NOTCH3: variants seen among roughly 807,000 people sequenced by gnomAD.
NOTCH3 encodes notch receptor 3, also known as neurogenic locus notch homolog protein 3.
NOTCH3 carries 86 observed loss-of-function variants against 213.3 expected under a neutral mutation model. That is an observed-to-expected ratio of 0.40 (90% confidence interval 0.34 to 0.48). The LOEUF (loss-of-function observed/expected upper bound fraction) is 0.48. Ranked by LOEUF, NOTCH3 falls within the 20% of genes least tolerant of loss-of-function variation. The pLI, the probability that NOTCH3 is intolerant of heterozygous loss-of-function variation, is 0.57. For missense variants in NOTCH3, 2,783 were observed against 3,272.6 expected (o/e 0.85, Z 3.65); for synonymous variants, 1,354 against 1,355.9 (o/e 1.00, Z 0.03).
rs2145427698 is a variant in NOTCH3 at position 15,184,350 on chromosome 19, G to A, written c.2511C>T (p.Cys837=). The A allele has an allele frequency of 1.2e-6, 2 of 1,613,920 alleles. No individual in the cohort carries two copies. Among genetic ancestry groups the A allele is most frequent in the Non-Finnish European group, 1.7e-6 (2 of 1,179,960 alleles). ...TNLAGSFSCT[C]HGGYTGPSCD... Reference sequence around the variant, plus strand: ...AGGAAGGGCCAGTGTACCCTCCATGGCAGGTGCAGCTGAAACTCCCTGCCA... The same window carrying A: ...AGGAAGGGCCAGTGTACCCTCCATGACAGGTGCAGCTGAAACTCCCTGCCA... The change falls in exon 16 of 33, where the codon TGC becomes TGT. Residue 837 remains cysteine, a synonymous_variant. Coordinates refer to ENST00000263388, the MANE Select transcript of NOTCH3 (RefSeq NM_000435.3).
At position 15,191,661 on chromosome 19, in the gene NOTCH3, T is replaced by G. The variant is rs1339607172; in HGVS notation, c.803-4A>C. On this transcript the variant is annotated splice_region_variant and splice_polypyrimidine_tract_variant and intron_variant, in intron 5 of 32. Transcript: ENST00000263388. ...ACGTCCTCCGTGCAGAACTGGCCTGTGGCACACAGATGCAGCAGTCCAGCC... is the reference window on the plus strand; with the variant it reads ...ACGTCCTCCGTGCAGAACTGGCCTGGGGCACACAGATGCAGCAGTCCAGCC... 8 of 1,613,456 alleles carry G rather than the reference T, an allele frequency of 5.0e-6. No homozygotes were observed. Among genetic ancestry groups the G allele is most frequent in the African/African-American group, 1.3e-5 (1 of 74,928 alleles).
intron 2 of NOTCH3, among the ~76,000 whole-genome samples, chr19:15,196,812 G>A (rs927695349): frequency 6.6e-6 from 1 of 152,156 alleles, no homozygotes; most frequent in Non-Finnish European, 1.5e-5. Context: ...AAGCTTGAAT[G>A]CTCAAGGTGT....
intron 2 of NOTCH3, among the ~76,000 whole-genome samples, chr19:15,194,014 G>A (rs567869450): frequency 7.2e-5 from 11 of 152,120 alleles, no homozygotes; most frequent in South Asian, 2.1e-4. Flanking sequence ...CCTGGGAGGC[G>A]GAGGTTGCAG....
Position 15,191,987 on chromosome 19 carries a change from G to T in NOTCH3, c.652C>A (p.Leu218Ile), listed in dbSNP as rs1317828994. Reference sequence around the variant, plus strand: ...GGAAGACAGGCACAGTCGTAAGTGAGGTCGCCACTCTGCCTGCAGGTGCCC... The same window carrying T: ...GGAAGACAGGCACAGTCGTAAGTGATGTCGCCACTCTGCCTGCAGGTGCCC... ...NGGTCRQSGD[L>I]TYDCACLPGF... The change falls in exon 4 of 33, where the codon CTC becomes ATC. Residue 218 changes from leucine (L) to isoleucine (I), a missense_variant. Coordinates refer to ENST00000263388, the MANE Select transcript of NOTCH3 (RefSeq NM_000435.3). 6.2e-7 allele frequency: 1 copy of T among 1,613,476 alleles called. No homozygotes were observed. The highest frequency in any genetic ancestry group is 1.1e-5 in the South Asian group (1 of 91,088).
rs2046811572 is a variant in NOTCH3 at position 15,178,556 on chromosome 19, T to A, written c.3837+267A>T. 7 of 523,052 alleles carry A rather than the reference T, an allele frequency of 1.3e-5. No individual in the cohort carries two copies. In the Admixed American group the frequency reaches 2.2e-4, roughly 17 times the overall value. 32.4% of individuals were successfully genotyped at this position (523,052 alleles called of 1,614,324 possible). A position where few individuals can be genotyped will look rare whatever the true frequency, so the allele number is the denominator to read the frequency against. On this transcript the variant is annotated intron_variant, in intron 23 of 32. Transcript: ENST00000263388. ...GCTGCCACTACGCCCGGCTAATTTTTATATTTTTAGTAGAGACGGGGTTTC... is the reference window on the plus strand; with the variant it reads ...GCTGCCACTACGCCCGGCTAATTTTAATATTTTTAGTAGAGACGGGGTTTC...
In NOTCH3 at chr19:15,185,668, T is replaced by C; in HGVS notation, c.1963A>G (p.Asn655Asp). Residue 655 changes from asparagine to aspartate, a missense_variant, in exon 13 of 33, where the codon AAC (asparagine) becomes GAC (aspartate). Asn to Asp is a conservative substitution (Grantham distance 23, BLOSUM62 1). This residue lies in a region of NOTCH3 where 861 missense variants were observed against 909.1 expected (regional missense o/e 0.95). Coordinates refer to ENST00000263388, the MANE Select transcript of NOTCH3 (RefSeq NM_000435.3). The surrounding 1 kb of genome is among the most constrained non-coding windows in gnomAD (Gnocchi z 4.2). ...GAAGCACACTCATTGATCTCCACGT[T>C]ACAAAGGGGCCCTGGGGAGTACACA... ...CQPGFTGPLC[N>D]VEINECASSP... 6.2e-7 allele frequency: 1 copy of C among 1,613,164 alleles called. No homozygotes were observed. The highest frequency in any genetic ancestry group is 1.1e-5 in the South Asian group (1 of 91,066).
At position 15,200,775 on chromosome 19, in the gene NOTCH3, C is replaced by T; in HGVS notation, c.118+13G>A. 1 of 1,292,076 alleles carries T rather than the reference C, an allele frequency of 7.7e-7. No homozygotes were observed. 80.0% of individuals were successfully genotyped at this position (1,292,076 alleles called of 1,614,324 possible). A position where few individuals can be genotyped will look rare whatever the true frequency, so the allele number is the denominator to read the frequency against. ...GCCGCCCTCGTCCCATCCGCCAGGT[C>T]CCGGCCCCTCACCTGCAGCCCCCGG... On this transcript the variant is annotated intron_variant, in intron 1 of 32. Transcript: ENST00000263388.
At chr19:15,174,774 A>G (rs1429876573) in intron 24 of NOTCH3, among the ~76,000 whole-genome samples, 2 of 151,820 alleles carry the variant, frequency 1.3e-5, no homozygotes, top group African/African-American at 4.8e-5. Context: ...GGGTTTTACT[A>G]TGTTGGCCAG....
intron 1 of NOTCH3, among the ~76,000 whole-genome samples, chr19:15,199,765 C>T (rs2046996771): frequency 6.6e-6 from 1 of 152,152 alleles, no homozygotes; most frequent in Non-Finnish European, 1.5e-5. Context: ...GTCCGGGCCC[C>T]GGGGCTGGGC....
At chr19:15,179,671 C>CAGG in intron 20 of NOTCH3, 175 bp from the exon 21 acceptor site, 1 of 691,612 alleles carries the variant, frequency 1.4e-6, no homozygotes, top group Non-Finnish European at 2.5e-6. Context: ...CACCTGAGAT[C>CAGG]AGGAGTTCGA....
At position 15,174,834 on chromosome 19, in the gene NOTCH3, A is replaced by G. The variant is rs531029218; in HGVS notation, c.4404-434T>C. ...GGTGATCCACCTGCCTCGGCCTCCCAAAGTGCTGGGATCACAGGCATAAGT... is the reference window on the plus strand; with the variant it reads ...GGTGATCCACCTGCCTCGGCCTCCCGAAGTGCTGGGATCACAGGCATAAGT... On this transcript the variant is annotated intron_variant, in intron 24 of 32. Transcript: ENST00000263388. 5.9e-5 allele frequency among the ~76,000 whole-genome samples: 9 copies of G among 152,196 alleles called. No individual in the cohort carries two copies. The East Asian group carries it at 1.6e-3, about 26-fold the overall frequency.
intron 28 of NOTCH3, among the ~76,000 whole-genome samples, chr19:15,168,788 C>T (rs2046706056): frequency 6.6e-6 from 1 of 152,092 alleles, no homozygotes; most frequent in Non-Finnish European, 1.5e-5. Context: ...GAGCCAAGAT[C>T]ACGCCACTGC....
intron 8 of NOTCH3, 34 bp downstream of exon 8, chr19:15,188,955 C>A (rs1453330331): frequency 1.3e-6 from 2 of 1,595,090 alleles, no homozygotes; most frequent in South Asian, 2.2e-5. Context: ...CGCCCCCTGC[C>A]TCAGGACCCG....
chr19:15,174,571 ATTTT>A lies in NOTCH3; in HGVS notation c.4404-175_4404-172del, dbSNP rs71168591. ...TGCAAATCTTGCCATTCACTGGATA[ATTTT>A]TTTTTTTTTTTTTTGAGACGGAGTC... On this transcript the variant is annotated intron_variant, in intron 24 of 32. Transcript: ENST00000263388. Among the ~76,000 whole-genome samples the A allele has an allele frequency of 0.86, 124,908 of 145,460 alleles. 53,690 individuals carry two copies. Among genetic ancestry groups the A allele is most frequent in the African/African-American group, 0.91 (35,786 of 39,518 alleles).
In NOTCH3 at chr19:15,188,003, G is replaced by C. The variant is rs1369235189; in HGVS notation, c.1493-9C>G. ...CGTGGAGCCGCTGAAGCCTGGGGTG[G>C]GGAGTGGGATGAGCAGAGGCCCAGA... On this transcript the variant is annotated splice_polypyrimidine_tract_variant and intron_variant, in intron 9 of 32. Transcript: ENST00000263388. The C allele has an allele frequency of 6.5e-7, 1 of 1,548,704 alleles. No individual in the cohort carries two copies. The highest frequency in any genetic ancestry group is 8.7e-7 in the Non-Finnish European group (1 of 1,144,608).
Position 15,181,775 on chromosome 19 carries a change from G to C in NOTCH3, c.2593C>G (p.Gln865Glu). 1 of 1,564,862 alleles carries C rather than the reference G, an allele frequency of 6.4e-7. No individual in the cohort carries two copies. The highest frequency in any genetic ancestry group is 8.7e-7 in the Non-Finnish European group (1 of 1,154,416). The change falls in exon 17 of 33, where the codon CAA becomes GAA. Residue 865 changes from glutamine to glutamate, a missense_variant. By Grantham distance (29) the Gln-to-Glu change is conservative. This residue lies in a region of NOTCH3 where 861 missense variants were observed against 909.1 expected (regional missense o/e 0.95). Transcript: ENST00000263388. Reference sequence around the variant, plus strand: ...CAGGAAAAGGAGCCCACGCCGTCTTGGCACGAGCCACCGTTCAGGCATGGG... The same window carrying C: ...CAGGAAAAGGAGCCCACGCCGTCTTCGCACGAGCCACCGTTCAGGCATGGG... ...PNPCLNGGSC[Q>E]DGVGSFSCSC...
In NOTCH3 at chr19:15,174,117, G is replaced by T. The variant is rs2046766233; in HGVS notation, c.4687C>A (p.Pro1563Thr). Residue 1563 changes from proline (P) to threonine (T), a missense_variant, in exon 25 of 33, where the codon CCT (proline) becomes ACT (threonine). Coordinates refer to ENST00000263388, the MANE Select transcript of NOTCH3 (RefSeq NM_000435.3). ...AMVFPYHRPS[P>T]GSEPRARREL... is the part of the protein sequence containing the mutation. ...CGACGGGCCCGGGGTTCGGAGCCAG[G>T]ACTAGGCCGGTGGTAAGGGAAGACC... is the stretch of plus-strand genomic sequence containing the variant. 1.2e-6 allele frequency: 2 copies of T among 1,602,842 alleles called. No individual in the cohort carries two copies. The highest frequency in any genetic ancestry group is 1.7e-6 in the Non-Finnish European group (2 of 1,173,056).
At chr19:15,181,542 G>C (rs2046841455) in intron 17 of NOTCH3, 34 bp downstream of exon 17, 10 of 1,528,144 alleles carry the variant, frequency 6.5e-6, no homozygotes, top group Non-Finnish European at 8.9e-6. Flanking sequence ...TCCCAAGCCA[G>C]AGTCCCTGCT....
intron 2 of NOTCH3, 94 bp from the exon 3 acceptor site, chr19:15,192,613 CAG>C: frequency 1.3e-6 from 2 of 1,497,312 alleles, no homozygotes; most frequent in South Asian, 1.2e-5. Flanking sequence ...CGCAGGGAAA[CAG>C]AGCAGCAAAC....
Sources: gnomAD v4.1 joint callset for allele counts (sites outside exome capture counted in the v4.1 genomes callset) on GRCh38, gnomAD v4.1.1 for gene constraint, gnomAD v4.1.1 regional missense constraint, Gnocchi (gnomAD v3.1) non-coding constraint, MANE v1.5 for transcripts, NCBI Gene and HGNC (gene_info 2026-07-23, HGNC 2026-07-21) for gene names.